The following MRC2 variants were observed in gnomAD, a reference collection of about 807,000 sequenced individuals.
MRC2 encodes C-type mannose receptor 2.
MRC2 carries 84 observed loss-of-function variants against 206.2 expected under a neutral mutation model. That is an observed-to-expected ratio of 0.41 (90% confidence interval 0.34 to 0.49). MRC2 has a LOEUF of 0.49. Among genes scored for constraint, MRC2 ranks in the 20% least tolerant of loss-of-function variants. The pLI is 0.31. For synonymous variants in MRC2, 798 were observed against 800.0 expected (o/e 1.00, Z 0.04); for missense variants, 1,676 against 2,001.5 (o/e 0.84, Z 3.10).
Position 62,691,055 on chromosome 17 carries a change from G to C in MRC2, c.4119G>C (p.Gln1373His), listed in dbSNP as rs780429324. Residue 1373 changes from glutamine to histidine, a missense_variant, in exon 28 of 30, where the codon CAG becomes CAC. Around this residue, in one of 3 missense-constraint regions of MRC2, gnomAD observed 1,354 missense variants for 1,636.6 expected, o/e 0.83. Transcript: ENST00000303375. ...GCCACAACAGCTGCTACTGGATTCA[G>C]AGCAACAGCGGGCTATGGCGCCCCG... ...MLSHNSCYWI[Q>H]SNSGLWRPGA... The C allele has an allele frequency of 4.3e-6, 7 of 1,609,804 alleles. No individual in the cohort carries two copies. Among genetic ancestry groups the C allele is most frequent in the Admixed American group, 1.7e-5 (1 of 59,036 alleles).
Position 62,666,101 on chromosome 17 carries a change from C to T in MRC2, c.528C>T (p.Tyr176=). The T allele has an allele frequency of 6.3e-7, 1 of 1,589,250 alleles. No homozygotes were observed. The highest frequency in any genetic ancestry group is 8.6e-7 in the Non-Finnish European group (1 of 1,167,186). Residue 176 remains tyrosine, a synonymous_variant, in exon 3 of 30, where the codon TAC becomes TAT. Coordinates refer to ENST00000303375, the MANE Select transcript of MRC2 (RefSeq NM_006039.5). The surrounding 1 kb of genome is among the most constrained non-coding windows in gnomAD (Gnocchi z 5.0). ...DLCALPYHEV[Y]TIQGNSHGKP... ...CCTGTCCACCCCCTGCAGAGGTCTACACCATCCAGGGAAACTCCCACGGAA... is the reference window on the plus strand; with the variant it reads ...CCTGTCCACCCCCTGCAGAGGTCTATACCATCCAGGGAAACTCCCACGGAA...
chr17:62,672,026 C>T lies in MRC2; in HGVS notation c.1335C>T (p.Asn445=), dbSNP rs369691770. ...QEVEELWIGL[N]DLKLQMNFEW... is the part of the protein sequence containing the mutation. ...TGGAGGAGCTGTGGATCGGCCTCAA[C>T]GATTTGAAACTGCAGATGAATTTTG... Residue 445 remains asparagine (N), a synonymous_variant, in exon 8 of 30, where the codon AAC becomes AAT. Coordinates refer to ENST00000303375, the MANE Select transcript of MRC2 (RefSeq NM_006039.5). The surrounding 1 kb of genome is among the most constrained non-coding windows in gnomAD (Gnocchi z 4.5). 30 of 1,614,012 alleles carry T rather than the reference C, an allele frequency of 1.9e-5. No homozygotes were observed. The highest frequency in any genetic ancestry group is 2.7e-5 in the African/African-American group (2 of 74,922).
intron 1 of MRC2, among the ~76,000 whole-genome samples, chr17:62,662,532 G>A (rs547019654): frequency 7.2e-5 from 11 of 152,196 alleles, no homozygotes; most frequent in Admixed American, 2.0e-4. Context: ...TCATTTCATC[G>A]TTACCAGAGT....
chr17:62,662,020 G>A (rs2088686998), intron 1 of MRC2, among the ~76,000 whole-genome samples: 1 of 152,028 alleles, frequency 6.6e-6, no homozygotes, highest in African/African-American at 2.4e-5. Context: ...GTCTGAGGAG[G>A]GCAGATTCCC....
In MRC2 at chr17:62,680,409, T is replaced by C. The variant is rs940067342; in HGVS notation, c.2438-9T>C. ...TTTCCTCACAACGTCTTTGTCCTTG[T>C]TCCCCTAGGTACGGACGTGCGGGAG... is the stretch of plus-strand genomic sequence containing the variant. On this transcript the variant is annotated splice_polypyrimidine_tract_variant and intron_variant, in intron 15 of 29. Coordinates refer to ENST00000303375, the MANE Select transcript of MRC2 (RefSeq NM_006039.5). The surrounding 1 kb of genome is among the most constrained non-coding windows in gnomAD (Gnocchi z 4.8). The C allele has an allele frequency of 1.9e-6, 3 of 1,613,952 alleles. No homozygotes were observed. Among genetic ancestry groups the C allele is most frequent in the Non-Finnish European group, 2.5e-6 (3 of 1,179,964 alleles).
In MRC2 at chr17:62,646,023, A is replaced by ATTTT. The variant is rs34679697; in HGVS notation, c.118+18119_118+18122dup. ...TTAGGTCATTTCTCTGTCCTTTTCTATTTTTTTTTTTTTTTTTTTGAGACG... is the reference window on the plus strand; with the variant it reads ...TTAGGTCATTTCTCTGTCCTTTTCTATTTTTTTTTTTTTTTTTTTTTTTGAGACG... On this transcript the variant is annotated intron_variant, in intron 1 of 29. Coordinates refer to ENST00000303375, the MANE Select transcript of MRC2 (RefSeq NM_006039.5). 1.0e-3 allele frequency among the ~76,000 whole-genome samples: 110 copies of ATTTT among 106,380 alleles called. 5 individuals carry two copies. Among genetic ancestry groups the ATTTT allele is most frequent in the African/African-American group, 3.4e-3 (96 of 27,956 alleles). 69.8% of individuals were successfully genotyped at this position (106,380 alleles called of 152,430 possible).
chr17:62,649,591 A>C (rs567393690), intron 1 of MRC2, among the ~76,000 whole-genome samples: 1 of 152,272 alleles, frequency 6.6e-6, no homozygotes, highest in South Asian at 2.1e-4. Flanking sequence ...ACTCTGTCTC[A>C]AAAAGAGTGC....
intron 1 of MRC2, among the ~76,000 whole-genome samples, chr17:62,630,816 G>T (rs556839684): frequency 1.9e-3 from 283 of 152,052 alleles, no homozygotes; most frequent in Non-Finnish European, 3.0e-3. Flanking sequence ...ACCAGAGTCA[G>T]CCAGACCAGC....
chr17:62,627,949 A>C, intron 1 of MRC2, 29 bp downstream of exon 1: 1 of 1,370,876 alleles, frequency 7.3e-7, no homozygotes, highest in Non-Finnish European at 9.4e-7. Context: ...GGCCAACTTC[A>C]GGGCCCGGGC....
intron 21 of MRC2, 41 bp from the exon 22 acceptor site, chr17:62,688,460 C>G: frequency 6.2e-7 from 1 of 1,614,138 alleles, no homozygotes; most frequent in Middle Eastern, 1.6e-4. Flanking sequence ...CCCCAAATAG[C>G]TATAGCAGAG....
intron 1 of MRC2, among the ~76,000 whole-genome samples, chr17:62,633,140 A>G (rs923967736): frequency 1.3e-5 from 2 of 152,208 alleles, no homozygotes; most frequent in African/African-American, 4.8e-5. Context: ...CGTATGAGAT[A>G]TGTCCCTGGT....
chr17:62,689,688 C>T lies in MRC2; in HGVS notation c.3501C>T (p.Tyr1167=). ...NASLAYVPDP[Y]TQAFLTQAAR... is the part of the protein sequence containing the mutation. ...GCCTGGCCTACGTGCCCGACCCCTA[C>T]ACCCAGGCCTTCCTCACGCAGGCTG... Residue 1167 remains tyrosine, a synonymous_variant, in exon 24 of 30, where the codon TAC becomes TAT. Transcript: ENST00000303375. The T allele has an allele frequency of 2.5e-6, 4 of 1,584,200 alleles. No homozygotes were observed. Among genetic ancestry groups the T allele is most frequent in the Non-Finnish European group, 3.4e-6 (4 of 1,165,630 alleles).
chr17:62,691,720 G>A (rs1425795201), intron 28 of MRC2, among the ~76,000 whole-genome samples: 2 of 145,068 alleles, frequency 1.4e-5, no homozygotes, highest in East Asian at 2.0e-4. Flanking sequence ...GCAGTGAGCC[G>A]AGATCGCACC....
At position 62,627,858 on chromosome 17, in the gene MRC2, T is replaced by C; in HGVS notation, c.56T>C (p.Val19Ala). The change falls in exon 1 of 30, where the codon GTC (valine) becomes GCC (alanine). Residue 19 changes from valine (V) to alanine (A), a missense_variant. Around this residue, in one of 3 missense-constraint regions of MRC2, gnomAD observed 318 missense variants for 346.7 expected, o/e 0.92. Transcript: ENST00000303375. ...TGGCCTCGTCACCTGCTGCGCTGCG[T>C]CCTGCTCCTCGGGTGCCTGCACCTC... ...APWPRHLLRC[V>A]LLLGCLHLGR... 1 of 1,479,640 alleles carries C rather than the reference T, an allele frequency of 6.8e-7. No individual in the cohort carries two copies. Among genetic ancestry groups the C allele is most frequent in the Non-Finnish European group, 8.9e-7 (1 of 1,122,898 alleles). The allele number at this position is 1,479,640 out of a possible 1,614,324, so 91.7% of individuals were successfully genotyped here. A position where few individuals can be genotyped will look rare whatever the true frequency, so the allele number is the denominator to read the frequency against.
chr17:62,653,965 G>A (rs921801883), intron 1 of MRC2, among the ~76,000 whole-genome samples: 3 of 152,176 alleles, frequency 2.0e-5, no homozygotes, highest in Admixed American at 6.5e-5. Flanking sequence ...GCAGGGTGGG[G>A]TGCTGGGTCC....
chr17:62,664,839 G>A lies in MRC2; in HGVS notation c.410G>A (p.Arg137His), dbSNP rs370889422. ...GDQLSLLLGA[R>H]TSNISKPGTL... ...CAGCTGTCCTTGCTCCTGGGGGCCC[G>A]CACCAGCAACATATCCAAGCCTGGC... Residue 137 changes from arginine (R) to histidine (H), a missense_variant, in exon 2 of 30, where the codon CGC (arginine) becomes CAC (histidine). Physicochemically the swap from Arg to His is conservative, Grantham distance 29. Around this residue, in one of 3 missense-constraint regions of MRC2, gnomAD observed 318 missense variants for 346.7 expected, o/e 0.92. Transcript: ENST00000303375. This position sits in a 1 kb window ranked among gnomAD's most constrained non-coding sequence, Gnocchi z 4.7. The A allele has an allele frequency of 3.0e-5, 49 of 1,613,632 alleles. 1 individual carries two copies. The highest frequency in any genetic ancestry group is 4.1e-5 in the Non-Finnish European group (48 of 1,180,036).
At chr17:62,632,347 G>A (rs1002138774) in intron 1 of MRC2, among the ~76,000 whole-genome samples, 1 of 152,036 alleles carries the variant, frequency 6.6e-6, no homozygotes, top group Admixed American at 6.6e-5. Flanking sequence ...TCCTTCCGCC[G>A]CTGGGCACCA....
At chr17:62,657,675 GT>G (rs2088634131) in intron 1 of MRC2, among the ~76,000 whole-genome samples, 1 of 142,242 alleles carries the variant, frequency 7.0e-6, no homozygotes, top group Non-Finnish European at 1.5e-5. Flanking sequence ...CTGGATGGGG[GT>G]GGGGGGCATC....
At position 62,627,896 on chromosome 17, in the gene MRC2, G is replaced by GC; in HGVS notation, c.98dup (p.Gly34TrpfsTer78). ...GTGCCTGCACCTCGGCCGTCCCGGCGCCCCTGGGGACGCCGCCCTCCCGGG... is the reference window on the plus strand; with the variant it reads ...GTGCCTGCACCTCGGCCGTCCCGGCGCCCCCTGGGGACGCCGCCCTCCCGGG... On this transcript the variant is annotated frameshift_variant, in exon 1 of 30. Transcript: ENST00000303375. LOFTEE classifies it high-confidence loss of function. 6.8e-7 allele frequency: 1 copy of GC among 1,469,290 alleles called. No individual in the cohort carries two copies. Among genetic ancestry groups the GC allele is most frequent in the Non-Finnish European group, 9.0e-7 (1 of 1,117,014 alleles). 91.0% of individuals were successfully genotyped at this position (1,469,290 alleles called of 1,614,324 possible).
Sources: gnomAD v4.1 joint callset for allele counts (sites outside exome capture counted in the v4.1 genomes callset) on GRCh38, gnomAD v4.1.1 for gene constraint, gnomAD v4.1.1 regional missense constraint, Gnocchi (gnomAD v3.1) non-coding constraint, MANE v1.5 for transcripts, NCBI Gene and HGNC (gene_info 2026-07-23, HGNC 2026-07-21) for gene names.